LLGL1: variants seen among roughly 807,000 people sequenced by gnomAD.
The protein encoded by LLGL1 is lethal(2) giant larvae protein homolog 1.
In LLGL1, 58 loss-of-function variants were observed where a neutral mutation model predicts 110.6. The ratio of observed to expected loss-of-function variants is 0.52; its 90% confidence interval spans 0.42 to 0.65. The LOEUF (loss-of-function observed/expected upper bound fraction) is 0.65. LLGL1 is among the 30% of genes least tolerant of loss of function. LLGL1 has a pLI of 0.00. For missense variants in LLGL1, 1,229 were observed against 1,462.1 expected, an observed-to-expected ratio of 0.84 and a Z score of 2.60; for synonymous variants, 674 against 607.2, an observed-to-expected ratio of 1.11 and a Z score of -1.62.
At chr17:18,231,865 G>C (rs1332248342) in intron 2 of LLGL1, among the ~76,000 whole-genome samples, 1 of 152,106 alleles carries the variant, frequency 6.6e-6, no homozygotes, top group East Asian at 1.9e-4. Context: ...TCACCATCTT[G>C]GCCAGGCTGG....
At chr17:18,231,420 A>G (rs758041824) in intron 2 of LLGL1, among the ~76,000 whole-genome samples, 31 of 152,106 alleles carry the variant, frequency 2.0e-4, no homozygotes, top group Non-Finnish European at 3.5e-4. Context: ...CTGTGTTGTC[A>G]CCGGGGCAAC....
At chr17:18,229,474 G>A (rs948217906) in intron 1 of LLGL1, among the ~76,000 whole-genome samples, 1 of 152,190 alleles carries the variant, frequency 6.6e-6, no homozygotes, top group African/African-American at 2.4e-5. Context: ...TCAGGCCTGT[G>A]TTTGGGGAGT....
Position 18,240,195 on chromosome 17 carries a change from G to A in LLGL1, c.2207-383G>A, listed in dbSNP as rs2047796407. 6.6e-6 allele frequency among the ~76,000 whole-genome samples: 1 copy of A among 152,122 alleles called. No individual in the cohort carries two copies. The highest frequency in any genetic ancestry group is 6.5e-5 in the Admixed American group (1 of 15,280). On this transcript the variant is annotated intron_variant, in intron 16 of 22. Coordinates refer to ENST00000316843, the MANE Select transcript of LLGL1 (RefSeq NM_004140.4). This position sits in a 1 kb window ranked among gnomAD's most constrained non-coding sequence, Gnocchi z 5.3. ...TGGAGAGAGGAGTCGGGGTCTTGTG[G>A]GGCTTGGGGCCTGAGTGATGCTAGG...
In LLGL1 at chr17:18,232,025, T is replaced by A. The variant is rs375483864; in HGVS notation, c.180-470T>A. Among the ~76,000 whole-genome samples, 9 of 152,326 alleles carry A rather than the reference T, an allele frequency of 5.9e-5. No homozygotes were observed. In the South Asian group the frequency reaches 1.9e-3, roughly 32 times the overall value. On this transcript the variant is annotated intron_variant, in intron 2 of 22. Transcript: ENST00000316843. ...TGTGGGAAAAGGCAGCCTGGACTCT[T>A]CTGCCCCCTGGCTTTCTTGTCCAGG... is the stretch of plus-strand genomic sequence containing the variant.
chr17:18,242,283 G>A lies in LLGL1; in HGVS notation c.2995+5G>A. ...CAGCCCACAGCATGGGACCTGGTGA[G>A]GGGGGCATGAAAGGGGTCCAGACCC... On this transcript the variant is annotated splice_donor_5th_base_variant and intron_variant, in intron 20 of 22. Coordinates refer to ENST00000316843, the MANE Select transcript of LLGL1 (RefSeq NM_004140.4). The A allele has an allele frequency of 6.2e-7, 1 of 1,611,694 alleles. No homozygotes were observed. Among genetic ancestry groups the A allele is most frequent in the South Asian group, 1.1e-5 (1 of 91,046 alleles).
Position 18,232,776 on chromosome 17 carries a change from C to G in LLGL1, c.366C>G (p.Pro122=). 6.2e-7 allele frequency: 1 copy of G among 1,614,054 alleles called. No homozygotes were observed. The highest frequency in any genetic ancestry group is 8.5e-7 in the Non-Finnish European group (1 of 1,180,030). ...AAGAAGCACTCAGTTTCCAGCTGCC[C>G]AGCCGGCCCGGCTTTGATGGTGCCA... The part of the protein sequence containing the change: ...HLEEALSFQL[P]SRPGFDGASA... The change falls in exon 4 of 23, where the codon CCC becomes CCG. Residue 122 remains proline, a synonymous_variant. Coordinates refer to ENST00000316843, the MANE Select transcript of LLGL1 (RefSeq NM_004140.4).
At position 18,238,477 on chromosome 17, in the gene LLGL1, C is replaced by T; in HGVS notation, c.2074C>T (p.Leu692=). 1 of 1,611,112 alleles carries T rather than the reference C, an allele frequency of 6.2e-7. No homozygotes were observed. Among genetic ancestry groups the T allele is most frequent in the Non-Finnish European group, 8.5e-7 (1 of 1,179,100 alleles). ...SSKLQEANAQ[L]AEQACPHDVE... is the part of the protein sequence containing the mutation. ...GCAGTTGCAGGAAGCCAATGCACAG[C>T]TGGCTGAGCAGGCCTGCCCCCACGA... The change falls in exon 16 of 23, where the codon CTG becomes TTG. Residue 692 remains leucine (L), a synonymous_variant. Coordinates refer to ENST00000316843, the MANE Select transcript of LLGL1 (RefSeq NM_004140.4).
intron 1 of LLGL1, among the ~76,000 whole-genome samples, chr17:18,228,977 G>T (rs1351193089): frequency 6.6e-6 from 1 of 152,166 alleles, no homozygotes; most frequent in African/African-American, 2.4e-5. Context: ...TTACAGGCTG[G>T]GAACTGGGGT....
Position 18,234,637 on chromosome 17 carries a change from C to G in LLGL1, c.851-12C>G. 6.2e-7 allele frequency: 1 copy of G among 1,614,074 alleles called. No individual in the cohort carries two copies. The highest frequency in any genetic ancestry group is 8.5e-7 in the Non-Finnish European group (1 of 1,179,942). ...ACCAGTGAGTCTGGTCTGACGCTGT[C>G]CCACCCCTCAGGCCCCTTTCCCTGC... On this transcript the variant is annotated splice_polypyrimidine_tract_variant and intron_variant, in intron 7 of 22. Coordinates refer to ENST00000316843, the MANE Select transcript of LLGL1 (RefSeq NM_004140.4).
intron 1 of LLGL1, among the ~76,000 whole-genome samples, chr17:18,229,444 C>T (rs1240750454): frequency 1.3e-5 from 2 of 152,102 alleles, no homozygotes; most frequent in Non-Finnish European, 2.9e-5. Flanking sequence ...GGATGTTGTC[C>T]CTTGACCTCT....
intron 2 of LLGL1, 44 bp from the exon 3 acceptor site, chr17:18,232,451 T>C: frequency 6.4e-7 from 1 of 1,553,418 alleles, no homozygotes; most frequent in Non-Finnish European, 8.8e-7. Flanking sequence ...CTCACTGTGG[T>C]TTGCTGGTCT....
chr17:18,232,608 T>C (rs2142580745), intron 3 of LLGL1, 32 bp downstream of exon 3: 2 of 1,613,980 alleles, frequency 1.2e-6, no homozygotes. Context: ...GCCAGCTCCC[T>C]GTGGCCCCCA....
rs368480098 is a variant in LLGL1 at position 18,243,095 on chromosome 17, G to GTT, written c.*1+276_*1+277dup. Among the ~76,000 whole-genome samples, 360 of 91,086 alleles carry GTT rather than the reference G, an allele frequency of 4.0e-3. 1 individual carries two copies. Among genetic ancestry groups the GTT allele is most frequent in the African/African-American group, 0.012 (330 of 28,350 alleles). The allele number at this position is 91,086 out of a possible 152,430, so 59.8% of individuals were successfully genotyped here. A position where few individuals can be genotyped will look rare whatever the true frequency, so the allele number is the denominator to read the frequency against. On this transcript the variant is annotated intron_variant, in intron 22 of 22. Coordinates refer to ENST00000316843, the MANE Select transcript of LLGL1 (RefSeq NM_004140.4). ...TGGTGGTTAGGACAAGACCAGATTTGTTTTGTTTTGTTTTGTTTTGTTTTG... is the reference window on the plus strand; with the variant it reads ...TGGTGGTTAGGACAAGACCAGATTTGTTTTTTGTTTTGTTTTGTTTTGTTTTG...
chr17:18,234,066 A>C lies in LLGL1; in HGVS notation c.605A>C (p.Gln202Pro). The change falls in exon 6 of 23, where the codon CAG becomes CCG. Residue 202 changes from glutamine (Q) to proline (P), a missense_variant. Gln to Pro is a moderately conservative substitution (Grantham distance 76). Transcript: ENST00000316843. ...GKALGPVESL[Q>P]GHLRDPTKIL... ...GCACTGGGCCCCGTGGAGTCACTCC[A>C]GGGACACCTGCGGGACCCCACAAAG... 2 of 1,610,226 alleles carry C rather than the reference A, an allele frequency of 1.2e-6. No individual in the cohort carries two copies. The highest frequency in any genetic ancestry group is 1.7e-5 in the Admixed American group (1 of 59,768).
intron 19 of LLGL1, 76 bp downstream of exon 19, chr17:18,242,075 T>A: frequency 6.5e-7 from 1 of 1,536,316 alleles, no homozygotes; most frequent in Non-Finnish European, 9.0e-7. Flanking sequence ...GAGATCTGCC[T>A]TCCCTGGGCT....
intron 11 of LLGL1, chr17:18,235,852 C>T: frequency 2.7e-6 from 1 of 366,794 alleles, no homozygotes; most frequent in Non-Finnish European, 5.0e-6. Flanking sequence ...CCAGAGAGCC[C>T]AGCGTGGGCC....
chr17:18,240,923 C>A lies in LLGL1; in HGVS notation c.2502+50C>A. On this transcript the variant is annotated intron_variant, in intron 17 of 22. Transcript: ENST00000316843. The surrounding 1 kb of genome is among the most constrained non-coding windows in gnomAD (Gnocchi z 5.3). ...ACTCTGGGGGACTCCCCTCCAGGCC[C>A]CAACCTCATGGACACCATTGGACCC... The A allele has an allele frequency of 6.8e-7, 1 of 1,464,456 alleles. No individual in the cohort carries two copies. The highest frequency in any genetic ancestry group is 9.1e-7 in the Non-Finnish European group (1 of 1,095,878). The allele number at this position is 1,464,456 out of a possible 1,614,324, so 90.7% of individuals were successfully genotyped here. A position where few individuals can be genotyped will look rare whatever the true frequency, so the allele number is the denominator to read the frequency against.
rs893544242 is a variant in LLGL1, at chr17:18,238,442, C to A, written c.2053-14C>A. 5.6e-6 allele frequency: 9 copies of A among 1,599,216 alleles called. No homozygotes were observed. Among genetic ancestry groups the A allele is most frequent in the South Asian group, 3.4e-5 (3 of 89,532 alleles). On this transcript the variant is annotated splice_polypyrimidine_tract_variant and intron_variant, in intron 15 of 22. Coordinates refer to ENST00000316843, the MANE Select transcript of LLGL1 (RefSeq NM_004140.4). The stretch of plus-strand genomic sequence containing the variant: ...GTGCTAGGGAGACAGTGTTCAGGAG[C>A]CCCCGCCCGGCAGTTGCAGGAAGCC...
In LLGL1 at chr17:18,237,678, T is replaced by G. The variant is rs772003448; in HGVS notation, c.1809T>G (p.Ala603=). The change falls in exon 14 of 23, where the codon GCT becomes GCG. Residue 603 remains alanine (A), a synonymous_variant. Coordinates refer to ENST00000316843, the MANE Select transcript of LLGL1 (RefSeq NM_004140.4). ...GCCTGCCGCCAGCTGCTGTAACCGC[T>G]GTCACACTCCACACCGAGTGGAGCC... ...VQCLPPAAVT[A]VTLHTEWSLV... 6.2e-7 allele frequency: 1 copy of G among 1,612,846 alleles called. No individual in the cohort carries two copies. Among genetic ancestry groups the G allele is most frequent in the South Asian group, 1.1e-5 (1 of 91,060 alleles).
Sources: allele counts gnomAD v4.1 joint callset (sites outside exome capture counted in the v4.1 genomes callset), GRCh38; gene constraint gnomAD v4.1.1; non-coding constraint Gnocchi (gnomAD v3.1); transcripts MANE v1.5; gene names NCBI Gene and HGNC (gene_info 2026-07-23, HGNC 2026-07-21).